TRIM36: variants seen among roughly 807,000 people sequenced by gnomAD.
TRIM36 encodes E3 ubiquitin-protein ligase TRIM36.
In TRIM36, 42 loss-of-function variants were observed where a neutral mutation model predicts 72.4. That is an observed-to-expected ratio of 0.58 (90% CI 0.45 to 0.75). The LOEUF (loss-of-function observed/expected upper bound fraction) is 0.75. TRIM36 is among the 30% of genes least tolerant of loss of function. TRIM36 has a pLI of 0.00. For synonymous variants in TRIM36, 315 were observed against 282.8 expected, an observed-to-expected ratio of 1.11 and a Z score of -1.14; for missense variants, 913 against 857.1, an observed-to-expected ratio of 1.07 and a Z score of -0.81.
intron 1 of TRIM36, among the ~76,000 whole-genome samples, chr5:115,176,263 T>C (rs1755334858): frequency 6.6e-6 from 1 of 152,226 alleles, no homozygotes; most frequent in Admixed American, 6.5e-5. Flanking sequence ...GTATTTTTGT[T>C]TTGGTCCCAG....
chr5:115,145,780 A>G (rs1753559132), intron 3 of TRIM36, among the ~76,000 whole-genome samples: 1 of 152,208 alleles, frequency 6.6e-6, no homozygotes, highest in Admixed American at 6.5e-5. Context: ...CAGGAGAAAA[A>G]CAACTGGAAA....
upstream of TRIM36, among the ~76,000 whole-genome samples, chr5:115,172,694 C>T (rs1755167978): frequency 6.6e-6 from 1 of 151,992 alleles, no homozygotes; most frequent in Admixed American, 6.5e-5. Context: ...CAAGATCGTG[C>T]CACTGCACTC....
rs1753012055 is a variant in TRIM36 at position 115,137,275 on chromosome 5, T to G, written c.1085+88A>C. On this transcript the variant is annotated intron_variant, in intron 6 of 9. Coordinates refer to ENST00000513154, the MANE Select transcript of TRIM36 (RefSeq NM_001300759.2). ...TGTACCTCACATTAACACAGCATTA[T>G]GGACCAATCAGAGCTAAAGTGAGAA... The G allele has an allele frequency of 2.2e-5, 33 of 1,516,560 alleles. No individual in the cohort carries two copies. The South Asian group carries it at 4.2e-4, about 19-fold the overall frequency. The allele number at this position is 1,516,560 out of a possible 1,614,324, so 93.9% of individuals were successfully genotyped here.
intron 2 of TRIM36, among the ~76,000 whole-genome samples, chr5:115,163,093 G>A (rs1420657002): frequency 6.6e-6 from 1 of 151,898 alleles, no homozygotes; most frequent in African/African-American, 2.4e-5. Flanking sequence ...AGGTAGCTGG[G>A]GTTACAGGCA....
intron 8 of TRIM36, among the ~76,000 whole-genome samples, chr5:115,133,322 G>A (rs765729052): frequency 1.3e-5 from 2 of 152,138 alleles, no homozygotes; most frequent in Non-Finnish European, 2.9e-5. Flanking sequence ...GGGAGGGGGC[G>A]ATGACTGGGC....
intron 2 of TRIM36, among the ~76,000 whole-genome samples, chr5:115,152,583 T>A (rs1382780876): frequency 6.6e-6 from 1 of 152,086 alleles, no homozygotes; most frequent in Non-Finnish European, 1.5e-5. Context: ...GGTTACCAGT[T>A]AAGACAAAGG....
At chr5:115,169,558 G>T in intron 1 of TRIM36, 50 bp downstream of exon 1, 1 of 1,487,846 alleles carries the variant, frequency 6.7e-7, no homozygotes, top group Non-Finnish European at 9.0e-7. Flanking sequence ...AAAGAGCCGC[G>T]GTCGGCACAC....
chr5:115,149,915 C>G (rs972152181), intron 2 of TRIM36, among the ~76,000 whole-genome samples: 21 of 151,396 alleles, frequency 1.4e-4, no homozygotes, highest in African/African-American at 5.2e-4. Context: ...CCTGCCACCA[C>G]GCCCGGCTAA....
chr5:115,131,034 C>A, intron 8 of TRIM36, 145 bp from the exon 9 acceptor site: 1 of 831,926 alleles, frequency 1.2e-6, no homozygotes. Context: ...CTATGACAAA[C>A]CAAAACCCAA....
intron 3 of TRIM36, among the ~76,000 whole-genome samples, chr5:115,146,424 C>T (rs1753596838): frequency 1.3e-5 from 2 of 152,098 alleles, no homozygotes; most frequent in South Asian, 4.1e-4. Context: ...TTTTTAAAAT[C>T]TATATACATC....
intron 2 of TRIM36, among the ~76,000 whole-genome samples, chr5:115,151,979 C>A (rs908022915): frequency 2.6e-5 from 4 of 152,020 alleles, no homozygotes; most frequent in African/African-American, 7.3e-5. Flanking sequence ...TTAACACCAG[C>A]AAAAATCACA....
At position 115,140,301 on chromosome 5, in the gene TRIM36, G is replaced by C. The variant is rs1257798344; in HGVS notation, c.831+978C>G. On this transcript the variant is annotated intron_variant, in intron 5 of 9. Transcript: ENST00000513154. The stretch of plus-strand genomic sequence containing the variant: ...TAATGGCTCAACTTTGTTTCAAATG[G>C]AGAAGAAAAACAAGTGTACAACAAA... 2.0e-5 allele frequency among the ~76,000 whole-genome samples: 3 copies of C among 152,108 alleles called. No homozygotes were observed. The East Asian group carries it at 5.8e-4, about 29-fold the overall frequency.
intron 5 of TRIM36, among the ~76,000 whole-genome samples, chr5:115,139,363 C>T (rs186251581): frequency 9.4e-5 from 14 of 149,450 alleles, no homozygotes; most frequent in African/African-American, 2.5e-4. Flanking sequence ...CCTTGTGATC[C>T]GCCCGCCTCG....
In TRIM36 at chr5:115,149,410, GA is replaced by G. The variant is rs1012413921; in HGVS notation, c.263-2017del. 1.3e-3 allele frequency: 189 copies of G among 150,972 alleles called. 2 individuals carry two copies. Among genetic ancestry groups the G allele is most frequent in the African/African-American group, 4.3e-3 (178 of 41,296 alleles). The allele number at this position is 150,972 out of a possible 1,614,324, so 9.4% of individuals were successfully genotyped here. ...TAGGTGATGAAAATTTAGATAAATAGAAAACTAATCTCAAAAGTGTTAAAAA... is the reference window on the plus strand; with the variant it reads ...TAGGTGATGAAAATTTAGATAAATAGAAACTAATCTCAAAAGTGTTAAAAA... On this transcript the variant is annotated intron_variant, in intron 2 of 9. Coordinates refer to ENST00000513154, the MANE Select transcript of TRIM36 (RefSeq NM_001300759.2).
At chr5:115,156,183 C>T (rs1291879280) in intron 2 of TRIM36, among the ~76,000 whole-genome samples, 1 of 151,946 alleles carries the variant, frequency 6.6e-6, no homozygotes. Context: ...AAAATGGAAA[C>T]ACATCCCATG....
At chr5:115,144,547 ATAAAG>A (rs748273363) in intron 4 of TRIM36, 46 bp downstream of exon 4, 27 of 1,606,966 alleles carry the variant, frequency 1.7e-5, no homozygotes, top group African/African-American at 1.3e-4. Flanking sequence ...AGTTAAAGGC[ATAAAG>A]TAAAGTTACG....
At chr5:115,146,295 A>AT (rs945914558) in intron 3 of TRIM36, among the ~76,000 whole-genome samples, 10 of 152,134 alleles carry the variant, frequency 6.6e-5, no homozygotes, top group African/African-American at 1.7e-4. Context: ...CACTTTTGAG[A>AT]TTTTTTTCCC....
chr5:115,142,599 G>A (rs1015909041), intron 4 of TRIM36, among the ~76,000 whole-genome samples: 9 of 152,262 alleles, frequency 5.9e-5, no homozygotes, highest in African/African-American at 1.9e-4. Context: ...CCAACTATAC[G>A]TTTATCTGAG....
At chr5:115,167,029 C>G (rs2126940215) in intron 1 of TRIM36, among the ~76,000 whole-genome samples, 1 of 152,296 alleles carries the variant, frequency 6.6e-6, no homozygotes, top group East Asian at 1.9e-4. Flanking sequence ...GGGATCTGGG[C>G]CAGTAGTGAA....
Sources: gnomAD v4.1 joint callset for allele counts (sites outside exome capture counted in the v4.1 genomes callset) on GRCh38, gnomAD v4.1.1 for gene constraint, MANE v1.5 for transcripts, NCBI Gene and HGNC (gene_info 2026-07-23, HGNC 2026-07-21) for gene names.